Variants in RALGAPA1 observed in about 807,000 individuals in gnomAD.
RALGAPA1 encodes ral GTPase-activating protein subunit alpha-1.
In RALGAPA1, 52 loss-of-function variants were observed where a neutral mutation model predicts 269.6. The observed-to-expected ratio is 0.19, with a 90% CI of 0.15 to 0.24. The LOEUF (loss-of-function observed/expected upper bound fraction) is 0.24, where lower values mean the gene tolerates loss of function less well. Among genes scored for constraint, RALGAPA1 ranks in the 10% least tolerant of loss-of-function variants. RALGAPA1 has a pLI of 1.00. For synonymous variants in RALGAPA1, 817 were observed against 1,008.3 expected (o/e 0.81, Z 3.60); for missense variants, 1,917 against 3,013.9 (o/e 0.64, Z 8.52).
chr14:35,775,839 C>G, intron 1 of RALGAPA1, 94 bp from the exon 2 acceptor site: 5 of 1,205,898 alleles, frequency 4.1e-6, no homozygotes, highest in Non-Finnish European at 5.4e-6. Flanking sequence ...AGTCAAAGAA[C>G]TGCTCCTAAA....
chr14:35,635,925 C>T (rs2061638575), intron 31 of RALGAPA1, among the ~76,000 whole-genome samples: 1 of 152,296 alleles, frequency 6.6e-6, no homozygotes, highest in African/African-American at 2.4e-5. Flanking sequence ...GAATGGAACA[C>T]AAATGGAAGT....
chr14:35,614,663 C>A (rs1232605849), intron 35 of RALGAPA1, among the ~76,000 whole-genome samples: 2 of 151,962 alleles, frequency 1.3e-5, no homozygotes, highest in Non-Finnish European at 1.5e-5. Flanking sequence ...TGTGAATATA[C>A]TAAAAATATG....
intron 39 of RALGAPA1, among the ~76,000 whole-genome samples, chr14:35,568,567 A>AT (rs758264855): frequency 6.6e-6 from 1 of 152,216 alleles, no homozygotes; most frequent in Non-Finnish European, 1.5e-5. Context: ...TGTGGACCTT[A>AT]TAAATGGTAA....
Position 35,573,556 on chromosome 14 carries a change from T to C in RALGAPA1, c.7210-838A>G, listed in dbSNP as rs1475799307. 2.0e-5 allele frequency among the ~76,000 whole-genome samples: 3 copies of C among 152,154 alleles called. No individual in the cohort carries two copies. In the East Asian group the frequency reaches 5.8e-4, roughly 29 times the overall value. On this transcript the variant is annotated intron_variant, in intron 37 of 41. Coordinates refer to ENST00000680220, the MANE Select transcript of RALGAPA1 (RefSeq NM_001346249.2). ...ATAACTGTCATCAATATTTACGCTA[T>C]CAGCTAACATACGGGCAATTTCTAT... is the stretch of plus-strand genomic sequence containing the variant.
At position 35,572,662 on chromosome 14, in the gene RALGAPA1, G is replaced by A; in HGVS notation, c.7266C>T (p.Asp2422=). Residue 2422 remains aspartate, a synonymous_variant, in exon 38 of 42, where the codon GAC becomes GAT. Transcript: ENST00000680220. ...CTGTGGGAATAATTCCTCTCCTGTA[G>A]TCTCTAGTATGCTCTGACCAAACAA... ...VHIVWSEHTR[D]YRRGIIPTEF... 6.2e-7 allele frequency: 1 copy of A among 1,610,338 alleles called. No individual in the cohort carries two copies.
intron 26 of RALGAPA1, among the ~76,000 whole-genome samples, chr14:35,670,793 C>T (rs568230263): frequency 6.6e-5 from 10 of 152,080 alleles, no homozygotes; most frequent in African/African-American, 2.4e-4. Flanking sequence ...TGTGGTGGTG[C>T]CTGCCTGTAA....
chr14:35,743,578 G>A (rs2071769896), intron 10 of RALGAPA1, among the ~76,000 whole-genome samples: 1 of 152,070 alleles, frequency 6.6e-6, no homozygotes, highest in East Asian at 1.9e-4. Flanking sequence ...GACTGAACTG[G>A]CCTCAAGTGG....
intron 27 of RALGAPA1, among the ~76,000 whole-genome samples, chr14:35,660,737 C>T (rs1280648497): frequency 2.6e-5 from 4 of 152,040 alleles, no homozygotes; most frequent in African/African-American, 9.7e-5. Flanking sequence ...AAATGTGACA[C>T]ACCCACACAC....
At chr14:35,614,644 G>A (rs1469667410) in intron 35 of RALGAPA1, among the ~76,000 whole-genome samples, 1 of 152,110 alleles carries the variant, frequency 6.6e-6, no homozygotes, top group African/African-American at 2.4e-5. Context: ...GGTGATAGTT[G>A]TACAACCCTG....
chr14:35,705,545 ATTTT>A (rs2067729253), intron 16 of RALGAPA1, among the ~76,000 whole-genome samples: 1 of 151,740 alleles, frequency 6.6e-6, no homozygotes, highest in Non-Finnish European at 1.5e-5. Flanking sequence ...ATAATATTCC[ATTTT>A]ATGGATGTAC....
intron 1 of RALGAPA1, among the ~76,000 whole-genome samples, chr14:35,789,935 T>C (rs2076040933): frequency 6.6e-6 from 1 of 151,980 alleles, no homozygotes; most frequent in South Asian, 2.1e-4. Context: ...CTCACCCTCC[T>C]GAGTTGAAAA....
At chr14:35,768,346 T>G (rs1245093678) in intron 4 of RALGAPA1, among the ~76,000 whole-genome samples, 2 of 152,132 alleles carry the variant, frequency 1.3e-5, no homozygotes, top group Non-Finnish European at 2.9e-5. Flanking sequence ...CTCTGCCAAG[T>G]GCTGAGATGA....
chr14:35,575,616 T>C lies in RALGAPA1; in HGVS notation c.7210-2898A>G, dbSNP rs549965972. The stretch of plus-strand genomic sequence containing the variant: ...CATTTCTTATTTATTTATTTTGAGA[T>C]GGAGTTTTGCTCTTGTTGCCCAGGC... On this transcript the variant is annotated intron_variant, in intron 37 of 41. Transcript: ENST00000680220. 5.9e-5 allele frequency among the ~76,000 whole-genome samples: 9 copies of C among 152,300 alleles called. No individual in the cohort carries two copies. In the East Asian group the frequency reaches 1.5e-3, roughly 26 times the overall value.
At chr14:35,562,497 T>C (rs1408507333) in intron 39 of RALGAPA1, among the ~76,000 whole-genome samples, 5 of 152,186 alleles carry the variant, frequency 3.3e-5, no homozygotes, top group Non-Finnish European at 5.9e-5. Context: ...AAAATTATCT[T>C]CAGTAAACTA....
At position 35,700,121 on chromosome 14, in the gene RALGAPA1, A is replaced by G. The variant is rs571488641; in HGVS notation, c.2407+41T>C. The G allele has an allele frequency of 3.4e-6, 5 of 1,492,040 alleles. No individual in the cohort carries two copies. In the South Asian group the frequency reaches 5.2e-5, roughly 16 times the overall value. 92.4% of individuals were successfully genotyped at this position (1,492,040 alleles called of 1,614,324 possible). On this transcript the variant is annotated intron_variant, in intron 17 of 41. Coordinates refer to ENST00000680220, the MANE Select transcript of RALGAPA1 (RefSeq NM_001346249.2). ...AAAATTTGAAAGCAGAGGATTAAAA[A>G]GTGAAAAAGGTGGTGCAGAAATTAG... is the stretch of plus-strand genomic sequence containing the variant.
At chr14:35,804,697 G>A (rs1443225977) in intron 1 of RALGAPA1, among the ~76,000 whole-genome samples, 2 of 151,966 alleles carry the variant, frequency 1.3e-5, no homozygotes, top group Admixed American at 1.3e-4. Flanking sequence ...ACTTTGGGAG[G>A]CTGAGATGGG....
At chr14:35,660,104 A>G (rs1374703785) in intron 27 of RALGAPA1, among the ~76,000 whole-genome samples, 1 of 152,098 alleles carries the variant, frequency 6.6e-6, no homozygotes, top group Non-Finnish European at 1.5e-5. Context: ...TTACTTTAAG[A>G]TTAGGAACAA....
intron 29 of RALGAPA1, 77 bp downstream of exon 29, chr14:35,655,728 CAA>C: frequency 6.6e-7 from 1 of 1,522,142 alleles, no homozygotes; most frequent in Non-Finnish European, 8.8e-7. Context: ...AAATGTTACA[CAA>C]GATACCATTA....
At chr14:35,659,057 T>C in intron 28 of RALGAPA1, 81 bp downstream of exon 28, 4 of 932,538 alleles carry the variant, frequency 4.3e-6, no homozygotes, top group Non-Finnish European at 4.8e-6. Flanking sequence ...TAAAACAATC[T>C]GGGCTGCTAT....
Sources: allele counts gnomAD v4.1 joint callset (sites outside exome capture counted in the v4.1 genomes callset), GRCh38; gene constraint gnomAD v4.1.1; transcripts MANE v1.5; gene names NCBI Gene and HGNC (gene_info 2026-07-23, HGNC 2026-07-21).